MECOM: variants seen among roughly 807,000 people sequenced by gnomAD.
The protein encoded by MECOM is histone-lysine N-methyltransferase MECOM.
Under a neutral mutation model 116.3 loss-of-function variants are expected in MECOM, and 13 were observed. The ratio of observed to expected loss-of-function variants is 0.11; its 90% CI spans 0.07 to 0.18. The LOEUF (loss-of-function observed/expected upper bound fraction) is 0.18, where lower values mean the gene tolerates loss of function less well. Among genes scored for constraint, MECOM ranks in the 10% least tolerant of loss-of-function variants. The pLI is 1.00. For synonymous variants in MECOM, 528 were observed against 535.2 expected (o/e 0.99, Z 0.19); for missense variants, 1,299 against 1,509.0 (o/e 0.86, Z 2.31).
chr3:169,143,880 A>C, intron 2 of MECOM, 48 bp from the exon 3 acceptor site: 1 of 1,498,908 alleles, frequency 6.7e-7, no homozygotes, highest in Non-Finnish European at 8.9e-7. Context: ...TGGCCCACTC[A>C]TTAAAATAAT....
At chr3:169,425,349 A>G (rs905665181) in intron 1 of MECOM, among the ~76,000 whole-genome samples, 2 of 152,158 alleles carry the variant, frequency 1.3e-5, no homozygotes, top group African/African-American at 2.4e-5. Flanking sequence ...CATACACTTG[A>G]TCTGCATTTA....
intron 1 of MECOM, among the ~76,000 whole-genome samples, chr3:169,428,759 T>C (rs1383890374): frequency 6.6e-6 from 1 of 152,224 alleles, no homozygotes. Context: ...ATCTACTTTT[T>C]CAGACCAACA....
chr3:169,622,409 C>A (rs541127004), intron 1 of MECOM, among the ~76,000 whole-genome samples: 1 of 152,272 alleles, frequency 6.6e-6, no homozygotes, highest in South Asian at 2.1e-4. Context: ...AGAATCAGTT[C>A]ATTTTTAAAC....
chr3:169,131,794 A>G (rs1014072167), intron 3 of MECOM: 4 of 723,234 alleles, frequency 5.5e-6, no homozygotes, highest in African/African-American at 1.8e-5. Context: ...TTCTTAATGC[A>G]AGGCTAGCTG....
At chr3:169,112,472 C>G (rs1727734445) in intron 9 of MECOM, among the ~76,000 whole-genome samples, 1 of 152,116 alleles carries the variant, frequency 6.6e-6, no homozygotes, top group African/African-American at 2.4e-5. Flanking sequence ...TATCAGCAAC[C>G]ACCACACACA....
chr3:169,594,139 A>ACAC (rs1251719923), intron 1 of MECOM, among the ~76,000 whole-genome samples: 2 of 136,350 alleles, frequency 1.5e-5, no homozygotes, highest in African/African-American at 3.0e-5. Context: ...CTCAACGACA[A>ACAC]CACCACCACC....
chr3:169,325,164 C>G (rs16853520), intron 2 of MECOM, among the ~76,000 whole-genome samples: 3,413 of 152,246 alleles, frequency 0.022, 90 homozygotes, highest in East Asian at 0.11. Context: ...CACTGCGGAG[C>G]ACACCATTCA....
rs976758951 is a variant in MECOM, at chr3:169,265,228, C to T, written c.375+115959G>A. Among the ~76,000 whole-genome samples, 16 of 152,088 alleles carry T rather than the reference C, an allele frequency of 1.1e-4. 1 individual carries two copies. Among genetic ancestry groups the T allele is most frequent in the African/African-American group, 2.4e-4 (10 of 41,418 alleles). ...TAAGGATGATCTTGTCCACATAGGTCATGTTGTGGCTAATATATAGAACCT... is the reference window on the plus strand; with the variant it reads ...TAAGGATGATCTTGTCCACATAGGTTATGTTGTGGCTAATATATAGAACCT... On this transcript the variant is annotated intron_variant, in intron 2 of 16. Coordinates refer to ENST00000651503, the MANE Select transcript of MECOM (RefSeq NM_004991.4).
At chr3:169,394,440 A>C (rs1190272268) in intron 1 of MECOM, among the ~76,000 whole-genome samples, 2 of 152,200 alleles carry the variant, frequency 1.3e-5, no homozygotes, top group Admixed American at 1.3e-4. Flanking sequence ...TTTTTTTAAG[A>C]GAAAGCTGAA....
In MECOM at chr3:169,580,326, G is replaced by A. The variant is rs75338192; in HGVS notation, c.37+83010C>T. On this transcript the variant is annotated intron_variant, in intron 1 of 16. Transcript: ENST00000651503. ...TGAGATTTTGGTGGACCCATCACCC[G>A]AGCAGGGTACGCTGTACCCAATGTG... Among the ~76,000 whole-genome samples, 1,006 of 152,168 alleles carry A rather than the reference G, an allele frequency of 6.6e-3. 14 individuals are homozygous for A. Among genetic ancestry groups the A allele is most frequent in the African/African-American group, 0.023 (954 of 41,504 alleles).
intron 2 of MECOM, among the ~76,000 whole-genome samples, chr3:169,223,949 C>A (rs1477548859): frequency 3.3e-5 from 5 of 152,176 alleles, no homozygotes; most frequent in Admixed American, 1.3e-4. Flanking sequence ...ACCTGGAACT[C>A]CTGCCATTAT....
At chr3:169,394,863 G>T (rs968069931) in intron 1 of MECOM, among the ~76,000 whole-genome samples, 1 of 152,080 alleles carries the variant, frequency 6.6e-6, no homozygotes, top group African/African-American at 2.4e-5. Flanking sequence ...CCTGGATCTC[G>T]ACACCATTTC....
intron 1 of MECOM, among the ~76,000 whole-genome samples, chr3:169,413,491 T>G (rs79648252): frequency 2.4e-5 from 1 of 42,264 alleles, no homozygotes; most frequent in Non-Finnish European, 6.2e-5. Context: ...TTTTTTTTTA[T>G]TTTTTTTTTT....
In MECOM at chr3:169,644,253, T is replaced by C. The variant is rs1773869913; in HGVS notation, c.37+19083A>G. Among the ~76,000 whole-genome samples the C allele has an allele frequency of 2.0e-5, 3 of 151,194 alleles. No individual in the cohort carries two copies. In the South Asian group the frequency reaches 6.4e-4, roughly 32 times the overall value. On this transcript the variant is annotated intron_variant, in intron 1 of 16. Coordinates refer to ENST00000651503, the MANE Select transcript of MECOM (RefSeq NM_004991.4). ...ATTTATTTGTTTATTTATTTATTTA[T>C]TTATTTATTTATTTATTTATTGAGA...
intron 2 of MECOM, among the ~76,000 whole-genome samples, chr3:169,307,189 TC>T (rs1428781596): frequency 1.3e-5 from 2 of 152,292 alleles, no homozygotes; most frequent in Non-Finnish European, 2.9e-5. Flanking sequence ...ACTTTCTTTC[TC>T]CCTCCAAATA....
chr3:169,466,144 A>C (rs1748268478), intron 1 of MECOM, among the ~76,000 whole-genome samples: 2 of 152,214 alleles, frequency 1.3e-5, no homozygotes, highest in African/African-American at 4.8e-5. Context: ...GCCATCCGTT[A>C]CTATTGCTGG....
At chr3:169,371,301 T>C (rs1454514789) in intron 2 of MECOM, among the ~76,000 whole-genome samples, 2 of 151,848 alleles carry the variant, frequency 1.3e-5, no homozygotes, top group African/African-American at 4.8e-5. Context: ...ATGTGGAATC[T>C]AAAGTAAAAA....
intron 1 of MECOM, among the ~76,000 whole-genome samples, chr3:169,630,010 C>T (rs1438372816): frequency 2.0e-5 from 3 of 152,212 alleles, no homozygotes; most frequent in Non-Finnish European, 4.4e-5. Flanking sequence ...TAGTCCCAGC[C>T]TGCTCCTCCA....
chr3:169,232,661 ATG>A lies in MECOM; in HGVS notation c.376-88831_376-88830del, dbSNP rs924750606. 1.7e-3 allele frequency among the ~76,000 whole-genome samples: 236 copies of A among 142,546 alleles called. 1 individual carries two copies. The highest frequency in any genetic ancestry group is 7.6e-3 in the South Asian group (34 of 4,454). The allele number at this position is 142,546 out of a possible 152,430, so 93.5% of individuals were successfully genotyped here. A position where few individuals can be genotyped will look rare whatever the true frequency, so the allele number is the denominator to read the frequency against. ...ATTTGTAAAATATATATATATATAT[ATG>A]TATACACATATTTTTAAGAGGCAGC... On this transcript the variant is annotated intron_variant, in intron 2 of 16. Coordinates refer to ENST00000651503, the MANE Select transcript of MECOM (RefSeq NM_004991.4).
Sources: allele counts gnomAD v4.1 joint callset (sites outside exome capture counted in the v4.1 genomes callset), GRCh38; gene constraint gnomAD v4.1.1; transcripts MANE v1.5; gene names NCBI Gene and HGNC (gene_info 2026-07-23, HGNC 2026-07-21).